TMEM229B: variants seen among roughly 807,000 people sequenced by gnomAD.
TMEM229B encodes chromosome 14 open reading frame 83.
TMEM229B carries 6 observed loss-of-function variants against 13.7 expected under a neutral mutation model. The ratio of observed to expected loss-of-function variants is 0.44; its 90% CI spans 0.24 to 0.86. The LOEUF is 0.86. TMEM229B is among the 40% of genes least tolerant of loss of function. TMEM229B has a pLI of 0.23. For synonymous variants in TMEM229B, 107 were observed against 102.1 expected, an observed-to-expected ratio of 1.05 and a Z score of -0.29; for missense variants, 170 against 236.0, an observed-to-expected ratio of 0.72 and a Z score of 1.83.
intron 2 of TMEM229B, among the ~76,000 whole-genome samples, chr14:67,485,872 T>C (rs2031846352): frequency 6.6e-6 from 1 of 152,202 alleles, no homozygotes; most frequent in South Asian, 2.1e-4. Context: ...CAAGAGGACA[T>C]GCTCCTCCAG....
At chr14:67,497,591 A>G (rs1333252964) in intron 1 of TMEM229B, among the ~76,000 whole-genome samples, 1 of 152,172 alleles carries the variant, frequency 6.6e-6, no homozygotes, top group Non-Finnish European at 1.5e-5. Flanking sequence ...TCCATTTATA[A>G]TTATCTATAT....
intron 1 of TMEM229B, among the ~76,000 whole-genome samples, chr14:67,499,085 C>T (rs562303668): frequency 6.6e-6 from 1 of 152,230 alleles, no homozygotes; most frequent in Non-Finnish European, 1.5e-5. Flanking sequence ...TCACCATAAA[C>T]TCAAACTCCT....
upstream of TMEM229B, among the ~76,000 whole-genome samples, chr14:67,490,441 T>C (rs2032121812): frequency 6.6e-6 from 1 of 152,188 alleles, no homozygotes; most frequent in Admixed American, 6.5e-5. Context: ...CAGCCTCCTA[T>C]GTGGGCAAGG....
In TMEM229B at chr14:67,473,942, C is replaced by T; in HGVS notation, c.-18-1G>A. ...ACGCCATGGCGCCGACTGGGGCTGG[C>T]TGCGGGGGGCGCAAGAGAGACAGGT... On this transcript the variant is annotated splice_acceptor_variant, in intron 2 of 2. Coordinates refer to ENST00000554480, the MANE Select transcript of TMEM229B (RefSeq NM_001348543.2). LOFTEE classifies it low-confidence loss of function (5UTR_SPLICE). The surrounding 1 kb of genome is among the most constrained non-coding windows in gnomAD (Gnocchi z 6.5). 1 of 1,583,998 alleles carries T rather than the reference C, an allele frequency of 6.3e-7. No individual in the cohort carries two copies. The highest frequency in any genetic ancestry group is 8.6e-7 in the Non-Finnish European group (1 of 1,165,758).
At chr14:67,520,826 T>C (rs11158678) in intron 1 of TMEM229B, among the ~76,000 whole-genome samples, 54,314 of 152,148 alleles carry the variant, frequency 0.36, 10,601 homozygotes, top group Middle Eastern at 0.45. Flanking sequence ...TTTGGGCAAA[T>C]ACCAAGGAGC....
At chr14:67,528,745 T>C (rs2033404252) in intron 1 of TMEM229B, among the ~76,000 whole-genome samples, 2 of 152,080 alleles carry the variant, frequency 1.3e-5, no homozygotes, top group South Asian at 4.2e-4. Flanking sequence ...GCATTTTGCA[T>C]TGATATGTGT....
intron 2 of TMEM229B, among the ~76,000 whole-genome samples, chr14:67,478,824 A>G (rs1441085964): frequency 6.6e-6 from 1 of 152,170 alleles, no homozygotes; most frequent in Non-Finnish European, 1.5e-5. Flanking sequence ...TCTCTGTGGT[A>G]ATAGTGAGCA....
intron 1 of TMEM229B, among the ~76,000 whole-genome samples, chr14:67,493,785 T>A (rs2032260383): frequency 1.3e-5 from 2 of 152,166 alleles, no homozygotes; most frequent in African/African-American, 2.4e-5. Context: ...AAAAGAGGCA[T>A]CCTTTTCTTT....
At chr14:67,485,197 G>C (rs887187019) in intron 2 of TMEM229B, among the ~76,000 whole-genome samples, 1 of 152,208 alleles carries the variant, frequency 6.6e-6, no homozygotes, top group Admixed American at 6.5e-5. Flanking sequence ...GGCATAAATT[G>C]CTCTGGGGAG....
At chr14:67,509,795 C>A (rs1034432169) in intron 1 of TMEM229B, among the ~76,000 whole-genome samples, 2 of 152,104 alleles carry the variant, frequency 1.3e-5, no homozygotes, top group Non-Finnish European at 2.9e-5. Context: ...TTGCTTGAGG[C>A]CAGGAGTTTG....
chr14:67,500,867 G>C (rs1433214392), intron 1 of TMEM229B, among the ~76,000 whole-genome samples: 1 of 151,670 alleles, frequency 6.6e-6, no homozygotes, highest in Non-Finnish European at 1.5e-5. Flanking sequence ...CACCGCGCCT[G>C]GCCTGGATAT....
At chr14:67,504,273 C>T (rs952840398) in intron 1 of TMEM229B, among the ~76,000 whole-genome samples, 2 of 152,148 alleles carry the variant, frequency 1.3e-5, no homozygotes, top group African/African-American at 4.8e-5. Context: ...CTCAGCCTCC[C>T]AAAGTGCTGG....
intron 1 of TMEM229B, among the ~76,000 whole-genome samples, chr14:67,531,785 A>G (rs112992158): frequency 9.0e-5 from 13 of 144,630 alleles, no homozygotes; most frequent in African/African-American, 3.3e-4. Flanking sequence ...GCATGTGCCT[A>G]TAGTCCCAGC....
upstream of TMEM229B, among the ~76,000 whole-genome samples, chr14:67,490,906 G>C (rs936402894): frequency 6.6e-6 from 1 of 152,176 alleles, no homozygotes; most frequent in Non-Finnish European, 1.5e-5. Context: ...GAGGGGGGCA[G>C]ATATGCCCCC....
intron 1 of TMEM229B, among the ~76,000 whole-genome samples, chr14:67,506,670 G>A (rs1443406181): frequency 6.6e-6 from 1 of 152,264 alleles, no homozygotes; most frequent in Admixed American, 6.5e-5. Flanking sequence ...AGGAATGAAA[G>A]AATCCAAGGG....
At chr14:67,532,859 G>C (rs920260978) in intron 1 of TMEM229B, among the ~76,000 whole-genome samples, 6 of 152,212 alleles carry the variant, frequency 3.9e-5, no homozygotes, top group Non-Finnish European at 8.8e-5. Flanking sequence ...TGGCGGAGAC[G>C]GTCTGGTCTT....
chr14:67,476,633 C>A (rs1440867717), intron 2 of TMEM229B, among the ~76,000 whole-genome samples: 1 of 152,060 alleles, frequency 6.6e-6, no homozygotes, highest in Non-Finnish European at 1.5e-5. Context: ...ATGTGAAGGT[C>A]AGAAAATTTT....
upstream of TMEM229B, among the ~76,000 whole-genome samples, chr14:67,492,114 T>C (rs1184725722): frequency 6.6e-6 from 1 of 151,806 alleles, no homozygotes; most frequent in Non-Finnish European, 1.5e-5. Context: ...CCACTCTATC[T>C]CACATGCCCC....
At chr14:67,507,858 G>A (rs563840395) in intron 1 of TMEM229B, among the ~76,000 whole-genome samples, 9 of 152,210 alleles carry the variant, frequency 5.9e-5, no homozygotes, top group African/African-American at 1.7e-4. Flanking sequence ...CAATGACTGG[G>A]CTGGGCATGT....
Sources: gnomAD v4.1 joint callset for allele counts (sites outside exome capture counted in the v4.1 genomes callset) on GRCh38, gnomAD v4.1.1 for gene constraint, Gnocchi (gnomAD v3.1) non-coding constraint, MANE v1.5 for transcripts, NCBI Gene and HGNC (gene_info 2026-07-23, HGNC 2026-07-21) for gene names.